Variants in GNAO1 observed in about 807,000 individuals in gnomAD.
The protein encoded by GNAO1 is G protein subunit alpha o1, also known as guanine nucleotide-binding protein G(o) subunit alpha.
For missense variants in GNAO1, 166 were observed against 478.7 expected, an observed-to-expected ratio of 0.35 and a Z score of 6.10; for synonymous variants, 164 against 180.7, an observed-to-expected ratio of 0.91 and a Z score of 0.74.
intron 3 of GNAO1, among the ~76,000 whole-genome samples, chr16:56,317,711 G>A (rs2037526177): frequency 1.3e-5 from 2 of 152,122 alleles, no homozygotes; most frequent in African/African-American, 2.4e-5. Context: ...CAGGATGTGT[G>A]GCTGGCTGGC....
chr16:56,305,165 A>G (rs769075488), intron 3 of GNAO1, among the ~76,000 whole-genome samples: 8 of 152,118 alleles, frequency 5.3e-5, no homozygotes, highest in Non-Finnish European at 1.0e-4. Context: ...GGATGAGGAG[A>G]TGGTACCTAG....
chr16:56,210,675 G>A lies in GNAO1; in HGVS notation c.161+18059G>A, dbSNP rs140804246. ...GGATTTCTCTAATGATAAATGATGC[G>A]GAGCATCTTTTCATATGCTTATTTG... On this transcript the variant is annotated intron_variant, in intron 2 of 8. Coordinates refer to ENST00000262493, the MANE Select transcript of GNAO1 (RefSeq NM_020988.3). Among the ~76,000 whole-genome samples the A allele has an allele frequency of 4.7e-3, 717 of 152,270 alleles. 5 individuals carry two copies. Among genetic ancestry groups the A allele is most frequent in the Middle Eastern group, 0.01 (3 of 294 alleles).
chr16:56,351,889 TC>T lies in GNAO1; in HGVS notation c.877+356del. The T allele has an allele frequency of 4.4e-6, 1 of 228,212 alleles. No homozygotes were observed. The highest frequency in any genetic ancestry group is 8.7e-5 in the South Asian group (1 of 11,502). 14.1% of individuals were successfully genotyped at this position (228,212 alleles called of 1,614,324 possible). On this transcript the variant is annotated intron_variant, in intron 7 of 8. Transcript: ENST00000262493. The surrounding 1 kb of genome is among the most constrained non-coding windows in gnomAD (Gnocchi z 6.1). ...GCCTCCTGTAATCTCAGCAGTGGCC[TC>T]CCCTCACCCCTGCCCAGAGCCCCAC...
chr16:56,308,194 G>C (rs1182398988), intron 3 of GNAO1: 1 of 152,248 alleles, frequency 6.6e-6, no homozygotes, highest in Non-Finnish European at 1.5e-5. Flanking sequence ...TCCCCAAAGA[G>C]TGGTGTGCGC....
intron 6 of GNAO1, among the ~76,000 whole-genome samples, chr16:56,349,177 C>T (rs2037899681): frequency 6.6e-6 from 1 of 152,172 alleles, no homozygotes; most frequent in African/African-American, 2.4e-5. Context: ...ATTTCTCCTC[C>T]ACACCTAAGC....
chr16:56,328,830 G>T, intron 4 of GNAO1, 39 bp downstream of exon 4: 1 of 1,604,134 alleles, frequency 6.2e-7, no homozygotes, highest in Non-Finnish European at 8.5e-7. Context: ...GAGCCGGGCA[G>T]TGATGCGGGA....
rs148542307 is a variant in GNAO1, at chr16:56,218,137, G to T, written c.161+25521G>T. 4.5e-3 allele frequency among the ~76,000 whole-genome samples: 692 copies of T among 152,366 alleles called. 2 individuals are homozygous for T. The highest frequency in any genetic ancestry group is 8.0e-3 in the Non-Finnish European group (543 of 68,034). Reference sequence around the variant, plus strand: ...AATTATGAAGCTGTGCCTAGCCCCAGGTGGGCGAGAGATCCTCTCAAATGT... The same window carrying T: ...AATTATGAAGCTGTGCCTAGCCCCATGTGGGCGAGAGATCCTCTCAAATGT... On this transcript the variant is annotated intron_variant, in intron 2 of 8. Coordinates refer to ENST00000262493, the MANE Select transcript of GNAO1 (RefSeq NM_020988.3).
intron 6 of GNAO1, chr16:56,344,884 CT>C (rs2037847770): frequency 1.0e-6 from 1 of 985,210 alleles, no homozygotes; most frequent in Non-Finnish European, 1.2e-6. Flanking sequence ...TTGCAGAGGT[CT>C]AGAGGGGGTG....
chr16:56,335,576 A>G (rs1293596341), intron 5 of GNAO1, among the ~76,000 whole-genome samples: 2 of 151,880 alleles, frequency 1.3e-5, no homozygotes, highest in African/African-American at 4.8e-5. Context: ...CATGTCCCCA[A>G]CTCCTGCCCG....
chr16:56,292,182 C>T (rs2037239400), intron 3 of GNAO1, among the ~76,000 whole-genome samples: 1 of 152,158 alleles, frequency 6.6e-6, no homozygotes, highest in Admixed American at 6.5e-5. Flanking sequence ...AGTTTGGGGG[C>T]TTCTAAGGCT....
chr16:56,285,217 T>C (rs1339930588), intron 3 of GNAO1, among the ~76,000 whole-genome samples: 1 of 152,220 alleles, frequency 6.6e-6, no homozygotes, highest in Non-Finnish European at 1.5e-5. Flanking sequence ...CTTGCGCTTG[T>C]GTGCTCTCTT....
In GNAO1 at chr16:56,239,606, C is replaced by T. The variant is rs537045278; in HGVS notation, c.162-36325C>T. Among the ~76,000 whole-genome samples, 3 of 152,296 alleles carry T rather than the reference C, an allele frequency of 2.0e-5. No individual in the cohort carries two copies. The South Asian group carries it at 6.2e-4, about 32-fold the overall frequency. ...GTAGGTGCTGAGGCATCACATTCTT[C>T]AGGTTCTAATGAAGAATTATTGCAG... On this transcript the variant is annotated intron_variant, in intron 2 of 8. Coordinates refer to ENST00000262493, the MANE Select transcript of GNAO1 (RefSeq NM_020988.3).
At chr16:56,238,769 G>A (rs543406105) in intron 2 of GNAO1, among the ~76,000 whole-genome samples, 88 of 152,324 alleles carry the variant, frequency 5.8e-4, no homozygotes, top group Admixed American at 8.5e-4. Context: ...CATAGATAAT[G>A]TAGGATATAC....
At position 56,311,628 on chromosome 16, in the gene GNAO1, T is replaced by TC. The variant is rs1232967637; in HGVS notation, c.304-17000dup. On this transcript the variant is annotated intron_variant, in intron 3 of 8. Transcript: ENST00000262493. The surrounding 1 kb of genome is among the most constrained non-coding windows in gnomAD (Gnocchi z 5.2). ...CCCGAGGAGCGCGTCCCCTCCCTCC[T>TC]CCCTCCCTGCTGACATAGCTTGGCA... is the stretch of plus-strand genomic sequence containing the variant. Among the ~76,000 whole-genome samples, 1 of 151,984 alleles carries TC rather than the reference T, an allele frequency of 6.6e-6. No individual in the cohort carries two copies. The highest frequency in any genetic ancestry group is 1.5e-5 in the Non-Finnish European group (1 of 67,962).
chr16:56,236,790 C>T (rs2036641587), intron 2 of GNAO1, among the ~76,000 whole-genome samples: 1 of 152,200 alleles, frequency 6.6e-6, no homozygotes. Context: ...AAGGCAGACT[C>T]ACCAAGAGAA....
chr16:56,257,550 G>A (rs181177447), intron 2 of GNAO1, among the ~76,000 whole-genome samples: 3 of 152,118 alleles, frequency 2.0e-5, no homozygotes, highest in Non-Finnish European at 2.9e-5. Context: ...TGGGTCCTTG[G>A]GGGGGTGTGG....
chr16:56,341,250 ACTGT>A (rs2037800402), intron 6 of GNAO1, among the ~76,000 whole-genome samples: 1 of 152,196 alleles, frequency 6.6e-6, no homozygotes, highest in Admixed American at 6.5e-5. Flanking sequence ...CCTGAGCTCC[ACTGT>A]CTGCGCACAG....
intron 2 of GNAO1, among the ~76,000 whole-genome samples, chr16:56,263,380 G>T (rs563059454): frequency 6.6e-6 from 1 of 152,316 alleles, no homozygotes; most frequent in East Asian, 1.9e-4. Context: ...CTCTGCCCTG[G>T]GCACTACAGT....
intron 2 of GNAO1, chr16:56,213,189 C>T (rs2036406634): frequency 2.5e-6 from 1 of 397,464 alleles, no homozygotes. Context: ...AGCCTTTACA[C>T]AAAAGTGTTT....
Sources: allele counts gnomAD v4.1 joint callset (sites outside exome capture counted in the v4.1 genomes callset), GRCh38; gene constraint gnomAD v4.1.1; non-coding constraint Gnocchi (gnomAD v3.1); transcripts MANE v1.5; gene names NCBI Gene and HGNC (gene_info 2026-07-23, HGNC 2026-07-21).